The following NRG1 variants were observed in gnomAD, a reference collection of about 807,000 sequenced individuals.
NRG1 encodes the protein neuregulin 1.
Under a neutral mutation model 63.8 loss-of-function variants are expected in NRG1, and 18 were observed. The observed-to-expected ratio is 0.28, with a 90% confidence interval of 0.19 to 0.42. The LOEUF (loss-of-function observed/expected upper bound fraction) is 0.42. NRG1 is among the 10% of genes least tolerant of loss of function. The probability of loss-of-function intolerance (pLI) is 1.00; values close to 1 mark genes in which losing one functional copy is unlikely to be tolerated. For missense variants in NRG1, 762 were observed against 814.7 expected (o/e 0.94, Z 0.79); for synonymous variants, 302 against 301.3 (o/e 1.00, Z -0.02).
intron 1 of NRG1, among the ~76,000 whole-genome samples, chr8:31,676,324 A>G (rs564312283): frequency 3.3e-5 from 5 of 152,280 alleles, no homozygotes; most frequent in Admixed American, 2.6e-4. Context: ...AGACCCAACA[A>G]TATTTCCATG....
At chr8:32,157,565 A>G (rs1402787825) in intron 1 of NRG1, among the ~76,000 whole-genome samples, 1 of 151,752 alleles carries the variant, frequency 6.6e-6, no homozygotes, top group African/African-American at 2.4e-5. Flanking sequence ...AGGCTGAGGC[A>G]GGAGAATCGC....
intron 1 of NRG1, among the ~76,000 whole-genome samples, chr8:32,196,816 A>G (rs1842991515): frequency 6.6e-6 from 1 of 151,978 alleles, no homozygotes; most frequent in Non-Finnish European, 1.5e-5. Flanking sequence ...TTCCTCTTAT[A>G]GTCTAGCATG....
rs564186506 is a variant in NRG1 at position 31,968,483 on chromosome 8, A to C, written c.37+329052A>C. On this transcript the variant is annotated intron_variant, in intron 1 of 10. Transcript: ENST00000519301. ...TGATTTATTACATAATTATTATTAG[A>C]ATAATTCACATAATTATAACCAGAA... 3.3e-5 allele frequency among the ~76,000 whole-genome samples: 5 copies of C among 152,330 alleles called. No homozygotes were observed. The South Asian group carries it at 1.0e-3, about 32-fold the overall frequency.
chr8:31,702,967 G>T (rs1035438564), intron 1 of NRG1, among the ~76,000 whole-genome samples: 1 of 151,350 alleles, frequency 6.6e-6, no homozygotes, highest in African/African-American at 2.4e-5. Flanking sequence ...AGAAATTTTG[G>T]TCTTGCAGAA....
chr8:31,666,748 C>T (rs1806586554), intron 1 of NRG1, among the ~76,000 whole-genome samples: 1 of 152,182 alleles, frequency 6.6e-6, no homozygotes. Flanking sequence ...AATGCTACAT[C>T]TCATGGTTTA....
intron 1 of NRG1, among the ~76,000 whole-genome samples, chr8:32,447,481 A>G (rs1820411217): frequency 6.6e-6 from 1 of 152,180 alleles, no homozygotes; most frequent in Admixed American, 6.5e-5. Flanking sequence ...GAGGAAATTG[A>G]TAATCTTGAG....
At chr8:31,953,111 T>C (rs1216812119) in intron 1 of NRG1, among the ~76,000 whole-genome samples, 2 of 152,190 alleles carry the variant, frequency 1.3e-5, no homozygotes, top group African/African-American at 4.8e-5. Context: ...AAAAAGGGTT[T>C]TTTTTTTCTG....
At chr8:32,107,578 A>G (rs548952012) in intron 1 of NRG1, among the ~76,000 whole-genome samples, 1 of 152,194 alleles carries the variant, frequency 6.6e-6, no homozygotes, top group Non-Finnish European at 1.5e-5. Flanking sequence ...ATTGTTAGTC[A>G]GTTCCCTTAT....
chr8:32,636,448 A>G (rs999233076), intron 5 of NRG1, among the ~76,000 whole-genome samples: 7 of 152,184 alleles, frequency 4.6e-5, no homozygotes, highest in South Asian at 2.1e-4. Context: ...GAGAAGCTCA[A>G]CCTTCACATT....
At chr8:32,222,271 C>T (rs1845901262) in intron 1 of NRG1, among the ~76,000 whole-genome samples, 2 of 152,030 alleles carry the variant, frequency 1.3e-5, no homozygotes, top group Admixed American at 6.6e-5. Context: ...AATGAGTGGG[C>T]TCTCACAACC....
chr8:31,641,339 T>TG (rs1394644990), intron 1 of NRG1, among the ~76,000 whole-genome samples: 1 of 151,936 alleles, frequency 6.6e-6, no homozygotes, highest in Non-Finnish European at 1.5e-5. Flanking sequence ...TGGGGGTTTT[T>TG]TTTTTTGGCC....
intron 5 of NRG1, among the ~76,000 whole-genome samples, chr8:32,716,332 C>T (rs1032452210): frequency 2.6e-5 from 4 of 152,088 alleles, no homozygotes; most frequent in Non-Finnish European, 4.4e-5. Flanking sequence ...TGTGAGGAAC[C>T]GAATTGGAAG....
chr8:31,944,200 G>T (rs1474330231), intron 1 of NRG1, among the ~76,000 whole-genome samples: 1 of 152,126 alleles, frequency 6.6e-6, no homozygotes, highest in African/African-American at 2.4e-5. Flanking sequence ...CAGAATTAAA[G>T]GTCTAGATAG....
chr8:31,967,765 T>C (rs327415), intron 1 of NRG1, among the ~76,000 whole-genome samples: 129,213 of 152,130 alleles, frequency 0.85, 55,755 homozygotes, highest in African/African-American at 0.96. Flanking sequence ...AGCCAATTGA[T>C]ACTCCAGGCA....
At chr8:32,325,373 A>C (rs1171857157) in intron 1 of NRG1, among the ~76,000 whole-genome samples, 1 of 152,130 alleles carries the variant, frequency 6.6e-6, no homozygotes, top group Admixed American at 6.6e-5. Context: ...ATAATTAAAA[A>C]ATTTTTTTGT....
chr8:32,648,702 AT>A (rs1050581760), intron 5 of NRG1, among the ~76,000 whole-genome samples: 12 of 152,338 alleles, frequency 7.9e-5, no homozygotes, highest in African/African-American at 2.9e-4. Flanking sequence ...ACATTTTAAA[AT>A]TAAAACATCA....
chr8:31,978,180 C>T (rs2129630214), intron 1 of NRG1, among the ~76,000 whole-genome samples: 1 of 152,140 alleles, frequency 6.6e-6, no homozygotes, highest in Middle Eastern at 3.4e-3. Flanking sequence ...GATTTATTTC[C>T]TCCTTTAATT....
At chr8:32,324,923 T>A (rs1314459260) in intron 1 of NRG1, among the ~76,000 whole-genome samples, 1 of 152,196 alleles carries the variant, frequency 6.6e-6, no homozygotes, top group South Asian at 2.1e-4. Context: ...CTCATTAATG[T>A]CAACTGTAAA....
chr8:31,777,651 A>T (rs183047913), intron 1 of NRG1, among the ~76,000 whole-genome samples: 1 of 152,228 alleles, frequency 6.6e-6, no homozygotes, highest in South Asian at 2.1e-4. Flanking sequence ...TGCAGGCTAT[A>T]CAAGAAGCGT....
Sources: gnomAD v4.1 joint callset for allele counts (sites outside exome capture counted in the v4.1 genomes callset) on GRCh38, gnomAD v4.1.1 for gene constraint, MANE v1.5 for transcripts, NCBI Gene and HGNC (gene_info 2026-07-23, HGNC 2026-07-21) for gene names.